OSBPL10: variants seen among roughly 807,000 people sequenced by gnomAD.
OSBPL10 encodes oxysterol-binding protein-related protein 10.
In OSBPL10, 49 loss-of-function variants were observed where a neutral mutation model predicts 81.7. That is an observed-to-expected ratio of 0.60 (90% CI 0.48 to 0.76). OSBPL10 has a LOEUF of 0.76. Among genes scored for constraint, OSBPL10 ranks in the 30% least tolerant of loss-of-function variants. The pLI, the probability that OSBPL10 is intolerant of heterozygous loss-of-function variation, is 0.00. For synonymous variants in OSBPL10, 419 were observed against 383.6 expected, an observed-to-expected ratio of 1.09 and a Z score of -1.08; for missense variants, 923 against 987.8, an observed-to-expected ratio of 0.93 and a Z score of 0.88.
chr3:31,812,824 G>C (rs1335629075), intron 4 of OSBPL10, among the ~76,000 whole-genome samples: 1 of 125,614 alleles, frequency 8.0e-6, no homozygotes, highest in Non-Finnish European at 1.7e-5. Context: ...GAAAGAGAAA[G>C]AAAGAAAGAA....
intron 2 of OSBPL10, among the ~76,000 whole-genome samples, chr3:32,031,674 G>A (rs984686286): frequency 4.6e-5 from 7 of 152,020 alleles, no homozygotes; most frequent in Non-Finnish European, 8.8e-5. Flanking sequence ...GGCTGGTCTC[G>A]AACTCCTGAC....
chr3:31,965,918 T>C (rs1698384985), intron 1 of OSBPL10, among the ~76,000 whole-genome samples: 1 of 116,512 alleles, frequency 8.6e-6, no homozygotes, highest in Non-Finnish European at 1.6e-5. Context: ...AAATAGATAA[T>C]ATATAATATA....
At chr3:31,780,068 G>GAATCTCGT (rs1698648084) in intron 4 of OSBPL10, among the ~76,000 whole-genome samples, 1 of 152,184 alleles carries the variant, frequency 6.6e-6, no homozygotes, top group African/African-American at 2.4e-5. Flanking sequence ...CAAGGCAGGT[G>GAATCTCGT]GATCATGAGG....
intron 5 of OSBPL10, among the ~76,000 whole-genome samples, chr3:31,743,062 A>G (rs1449388230): frequency 3.8e-5 from 4 of 106,044 alleles, no homozygotes; most frequent in Non-Finnish European, 7.2e-5. Flanking sequence ...TTTTTTTTAG[A>G]GAGAGTCTTG....
At chr3:31,807,272 C>T (rs918644357) in intron 4 of OSBPL10, among the ~76,000 whole-genome samples, 1 of 151,754 alleles carries the variant, frequency 6.6e-6, no homozygotes, top group Non-Finnish European at 1.5e-5. Flanking sequence ...CCCAGCTAGT[C>T]GGGAGGCTGG....
chr3:31,798,238 T>G (rs1371880609), intron 4 of OSBPL10, among the ~76,000 whole-genome samples: 1 of 152,090 alleles, frequency 6.6e-6, no homozygotes, highest in Non-Finnish European at 1.5e-5. Flanking sequence ...TGAGACCAGC[T>G]GGCCAACATG....
rs11402856 is a variant in OSBPL10, at chr3:31,912,396, G to GAAA, written c.282-32569_282-32567dup. ...GGCGACAGGGCGAGACTCTGTCTCG[G>GAAA]AAAAAAAAAAAAATTAAGGCAAAAT... is the stretch of plus-strand genomic sequence containing the variant. On this transcript the variant is annotated intron_variant, in intron 1 of 11. Coordinates refer to ENST00000396556, the MANE Select transcript of OSBPL10 (RefSeq NM_017784.5). Among the ~76,000 whole-genome samples, 1,152 of 142,876 alleles carry GAAA rather than the reference G, an allele frequency of 8.1e-3. 14 individuals are homozygous for GAAA. The highest frequency in any genetic ancestry group is 0.027 in the African/African-American group (1,022 of 38,018). The allele number at this position is 142,876 out of a possible 152,430, so 93.7% of individuals were successfully genotyped here.
At chr3:31,674,679 C>A (rs116077745) in intron 8 of OSBPL10, among the ~76,000 whole-genome samples, 4,315 of 152,268 alleles carry the variant, frequency 0.028, 217 homozygotes, top group African/African-American at 0.099. Context: ...TGCCATGTGA[C>A]CCCCACACAG....
At chr3:31,685,684 G>T (rs548338769) in intron 7 of OSBPL10, among the ~76,000 whole-genome samples, 1 of 152,256 alleles carries the variant, frequency 6.6e-6, no homozygotes, top group African/African-American at 2.4e-5. Context: ...AACTAATTCT[G>T]TCCTTCCTTT....
chr3:31,911,547 GGAA>G (rs552331237), intron 1 of OSBPL10, among the ~76,000 whole-genome samples: 193 of 151,742 alleles, frequency 1.3e-3, no homozygotes, highest in Admixed American at 3.3e-3. Flanking sequence ...GGACCACATT[GGAA>G]GAAGAAGAAT....
intron 2 of OSBPL10, among the ~76,000 whole-genome samples, chr3:32,006,708 A>G (rs963115458): frequency 4.6e-5 from 7 of 152,058 alleles, no homozygotes; most frequent in Admixed American, 2.6e-4. Flanking sequence ...TGTGGTGTCA[A>G]CCTCATATAT....
At chr3:31,967,354 G>A (rs1418458052) in intron 1 of OSBPL10, among the ~76,000 whole-genome samples, 1 of 152,044 alleles carries the variant, frequency 6.6e-6, no homozygotes, top group Non-Finnish European at 1.5e-5. Flanking sequence ...GCCCTGGCCT[G>A]TAGTAGCCCC....
chr3:31,844,856 T>C (rs1337462635), intron 3 of OSBPL10, among the ~76,000 whole-genome samples: 1 of 152,188 alleles, frequency 6.6e-6, no homozygotes, highest in Non-Finnish European at 1.5e-5. Context: ...GGAGGATCAC[T>C]AGTGGCTATG....
intron 3 of OSBPL10, among the ~76,000 whole-genome samples, chr3:31,860,071 C>A (rs1057122445): frequency 6.6e-6 from 1 of 152,162 alleles, no homozygotes; most frequent in African/African-American, 2.4e-5. Flanking sequence ...CTCCCTCCTG[C>A]GCACATTGGA....
chr3:31,839,262 T>C (rs943724313), intron 3 of OSBPL10, among the ~76,000 whole-genome samples: 13 of 152,146 alleles, frequency 8.5e-5, no homozygotes, highest in African/African-American at 1.7e-4. Flanking sequence ...ACCACACTTA[T>C]CATACACAAA....
chr3:31,927,227 T>A (rs1375317339), intron 1 of OSBPL10, among the ~76,000 whole-genome samples: 1 of 152,190 alleles, frequency 6.6e-6, no homozygotes, highest in Non-Finnish European at 1.5e-5. Flanking sequence ...ATTACAAAAG[T>A]TGAATCTGAA....
At chr3:32,022,775 C>CA (rs200225362) in intron 2 of OSBPL10, among the ~76,000 whole-genome samples, 131 of 142,416 alleles carry the variant, frequency 9.2e-4, no homozygotes, top group African/African-American at 2.1e-3. Flanking sequence ...CAAGATGCTG[C>CA]AAAAAAAAAA....
chr3:31,772,181 G>A (rs1039140845), intron 4 of OSBPL10, among the ~76,000 whole-genome samples: 2 of 152,136 alleles, frequency 1.3e-5, no homozygotes, highest in African/African-American at 4.8e-5. Flanking sequence ...CCGAACCTCT[G>A]GTCACAACAT....
Position 31,664,505 on chromosome 3 carries a change from T to C in OSBPL10, c.2097-273A>G, listed in dbSNP as rs60303278. 5.5e-4 allele frequency: 305 copies of C among 553,764 alleles called. 1 individual carries two copies. Among genetic ancestry groups the C allele is most frequent in the African/African-American group, 5.3e-3 (282 of 53,286 alleles). 34.3% of individuals were successfully genotyped at this position (553,764 alleles called of 1,614,324 possible). A position where few individuals can be genotyped will look rare whatever the true frequency, so the allele number is the denominator to read the frequency against. ...TGGGAATCAAATCTAATAGTAGTAG[T>C]TGGCATTCTGCTACTACTACAAACA... On this transcript the variant is annotated intron_variant, in intron 10 of 11. Transcript: ENST00000396556.
Sources: allele counts gnomAD v4.1 joint callset (sites outside exome capture counted in the v4.1 genomes callset), GRCh38; gene constraint gnomAD v4.1.1; transcripts MANE v1.5; gene names NCBI Gene and HGNC (gene_info 2026-07-23, HGNC 2026-07-21).